Variants in KIAA1217 observed in about 807,000 individuals in gnomAD.
KIAA1217 encodes sickle tail protein homolog.
A neutral mutation model predicts 163.9 loss-of-function variants in KIAA1217; 88 were observed. The observed-to-expected ratio is 0.54, with a 90% CI of 0.45 to 0.64. KIAA1217 has a LOEUF of 0.64. Ranked by LOEUF, KIAA1217 falls within the 30% of genes least tolerant of loss-of-function variation. KIAA1217 has a pLI of 0.00. For synonymous variants in KIAA1217, 903 were observed against 923.1 expected (o/e 0.98, Z 0.39); for missense variants, 2,372 against 2,475.0 (o/e 0.96, Z 0.88).
intron 1 of KIAA1217, among the ~76,000 whole-genome samples, chr10:23,826,158 A>G (rs1837886419): frequency 6.6e-6 from 1 of 152,146 alleles, no homozygotes; most frequent in Non-Finnish European, 1.5e-5. Flanking sequence ...GTTATGTTTG[A>G]ATTTTTTTTT....
At chr10:24,384,799 G>A (rs751664991) in intron 3 of KIAA1217, among the ~76,000 whole-genome samples, 1 of 152,242 alleles carries the variant, frequency 6.6e-6, no homozygotes, top group Non-Finnish European at 1.5e-5. Flanking sequence ...GCCTCCTAAA[G>A]TGCTGGGATT....
intron 1 of KIAA1217, among the ~76,000 whole-genome samples, chr10:23,931,131 C>T (rs1843236618): frequency 6.6e-6 from 1 of 152,118 alleles, no homozygotes; most frequent in Admixed American, 6.5e-5. Context: ...TTACTTATAA[C>T]AACAACTAGC....
chr10:24,206,391 G>T (rs1317880668), upstream of KIAA1217, among the ~76,000 whole-genome samples: 2 of 152,186 alleles, frequency 1.3e-5, no homozygotes, highest in Non-Finnish European at 2.9e-5. Context: ...AGTAACAGCA[G>T]TGACAATAAG....
chr10:24,520,637 AAAAAAAAAAAAAAAATATATATATATAT>A (rs1363582676), intron 11 of KIAA1217, among the ~76,000 whole-genome samples: 2 of 44,036 alleles, frequency 4.5e-5, no homozygotes, highest in African/African-American at 2.7e-4. Context: ...CAAAAAAAAA[AAAAAAAAAAAAAAAATATATATATATAT>A]ATATATATAT....
At chr10:24,172,046 G>T (rs949235245) in intron 2 of KIAA1217, among the ~76,000 whole-genome samples, 1 of 152,262 alleles carries the variant, frequency 6.6e-6, no homozygotes, top group African/African-American at 2.4e-5. Flanking sequence ...GCTTGACAGA[G>T]ATCATACAGT....
chr10:24,495,214 G>A lies in KIAA1217; in HGVS notation c.1834+18G>A. ...TAGTGCAGGTAAGTAAGTGTTTTTG[G>A]AGCTGTAGGAGGCCTGTGGGCTGCC... On this transcript the variant is annotated intron_variant, in intron 8 of 20. Coordinates refer to ENST00000376454, the MANE Select transcript of KIAA1217 (RefSeq NM_019590.5). 1 of 1,607,880 alleles carries A rather than the reference G, an allele frequency of 6.2e-7. No homozygotes were observed. Among genetic ancestry groups the A allele is most frequent in the South Asian group, 1.1e-5 (1 of 89,664 alleles).
intron 1 of KIAA1217, among the ~76,000 whole-genome samples, chr10:24,006,970 T>C (rs1346671952): frequency 2.6e-5 from 4 of 152,210 alleles, no homozygotes; most frequent in African/African-American, 7.2e-5. Context: ...TAGTCGAATG[T>C]GTTTACTTTC....
At chr10:23,734,191 T>G (rs933944197) in intron 1 of KIAA1217, among the ~76,000 whole-genome samples, 1 of 152,146 alleles carries the variant, frequency 6.6e-6, no homozygotes, top group Non-Finnish European at 1.5e-5. Flanking sequence ...TCTGCACTTA[T>G]GTTTTCTTCC....
At chr10:24,497,553 C>G (rs1297766220) in intron 8 of KIAA1217, among the ~76,000 whole-genome samples, 1 of 151,734 alleles carries the variant, frequency 6.6e-6, no homozygotes, top group African/African-American at 2.4e-5. Flanking sequence ...GGCAATATTG[C>G]AAGACCCTGT....
intron 2 of KIAA1217, among the ~76,000 whole-genome samples, chr10:24,364,662 G>A (rs1298555047): frequency 2.6e-5 from 4 of 152,134 alleles, no homozygotes. Flanking sequence ...ACCTTAGTTA[G>A]CAAAGGCAGG....
chr10:24,316,780 T>G (rs999204876), intron 2 of KIAA1217, among the ~76,000 whole-genome samples: 1 of 152,158 alleles, frequency 6.6e-6, no homozygotes, highest in African/African-American at 2.4e-5. Flanking sequence ...TTTAAAATAA[T>G]AAGAAGAATA....
chr10:24,392,455 G>C (rs977080943), intron 3 of KIAA1217, among the ~76,000 whole-genome samples: 3 of 152,142 alleles, frequency 2.0e-5, no homozygotes, highest in African/African-American at 7.2e-5. Context: ...TAGATTTCCA[G>C]GGATCTAATT....
intron 2 of KIAA1217, among the ~76,000 whole-genome samples, chr10:24,136,435 T>C (rs796938509): frequency 2.0e-5 from 3 of 150,100 alleles, no homozygotes; most frequent in African/African-American, 4.9e-5. Context: ...TAAGTGAACA[T>C]TTATTTATTC....
intron 2 of KIAA1217, among the ~76,000 whole-genome samples, chr10:24,100,853 TATTTTCCTCATAAAATGAACTAGGA>T (rs1386819883): frequency 1.3e-5 from 2 of 152,242 alleles, no homozygotes; most frequent in African/African-American, 4.8e-5. Context: ...GTTTGTTTTC[TATTTTCCTCATAAAATGAACTAGGA>T]AAATAAAAAT....
intron 2 of KIAA1217, among the ~76,000 whole-genome samples, chr10:24,044,527 C>T (rs1410393120): frequency 6.6e-6 from 1 of 151,736 alleles, no homozygotes; most frequent in Non-Finnish European, 1.5e-5. Flanking sequence ...AGTGTGTCTC[C>T]CATTTAGTGT....
chr10:24,334,346 C>G (rs532064012), intron 2 of KIAA1217, among the ~76,000 whole-genome samples: 3 of 150,192 alleles, frequency 2.0e-5, no homozygotes, highest in Non-Finnish European at 4.4e-5. Context: ...TCAGATCTAA[C>G]CTGGGCAATA....
chr10:23,739,417 A>G (rs1838986116), intron 1 of KIAA1217, among the ~76,000 whole-genome samples: 1 of 152,200 alleles, frequency 6.6e-6, no homozygotes, highest in African/African-American at 2.4e-5. Flanking sequence ...ATAAAGATAT[A>G]GGAAACAGAG....
intron 2 of KIAA1217, among the ~76,000 whole-genome samples, chr10:24,251,255 C>G (rs1312471972): frequency 6.6e-6 from 1 of 151,660 alleles, no homozygotes; most frequent in Non-Finnish European, 1.5e-5. Flanking sequence ...TAAAATTGAG[C>G]CTGATGTGGT....
At chr10:24,424,153 A>C (rs563228937) in intron 3 of KIAA1217, among the ~76,000 whole-genome samples, 1 of 152,148 alleles carries the variant, frequency 6.6e-6, no homozygotes, top group African/African-American at 2.4e-5. Flanking sequence ...AATTGTCATC[A>C]TTCTGCTTTG....
Sources: gnomAD v4.1 joint callset for allele counts (sites outside exome capture counted in the v4.1 genomes callset) on GRCh38, gnomAD v4.1.1 for gene constraint, MANE v1.5 for transcripts, NCBI Gene and HGNC (gene_info 2026-07-23, HGNC 2026-07-21) for gene names.